The following NFXL1 variants were observed in gnomAD, a reference collection of about 807,000 sequenced individuals.
The protein encoded by NFXL1 is nuclear transcription factor, X-box binding like 1.
NFXL1 carries 66 observed loss-of-function variants against 123.3 expected under a neutral mutation model. That is an observed-to-expected ratio of 0.54 (90% CI 0.44 to 0.66). The LOEUF (loss-of-function observed/expected upper bound fraction) is 0.66. NFXL1 is among the 30% of genes least tolerant of loss of function. NFXL1 has a pLI of 0.00. For synonymous variants in NFXL1, 346 were observed against 360.8 expected (o/e 0.96, Z 0.46); for missense variants, 944 against 1,125.6 (o/e 0.84, Z 2.31).
At position 47,853,686 on chromosome 4, in the gene NFXL1, G is replaced by A. The variant is rs555956365; in HGVS notation, c.2421+1373C>T. 9.9e-5 allele frequency among the ~76,000 whole-genome samples: 15 copies of A among 152,226 alleles called. No homozygotes were observed. The South Asian group carries it at 2.3e-3, about 23-fold the overall frequency. Reference sequence around the variant, plus strand: ...TACATTGCCACAGCCTAAGCTAAGCGAGGGTACAATATATGTATTAGGGCA... The same window carrying A: ...TACATTGCCACAGCCTAAGCTAAGCAAGGGTACAATATATGTATTAGGGCA... On this transcript the variant is annotated intron_variant, in intron 20 of 22. Transcript: ENST00000507489.
intron 16 of NFXL1, 51 bp from the exon 17 acceptor site, chr4:47,878,716 G>GAA: frequency 7.4e-7 from 1 of 1,356,240 alleles, no homozygotes; most frequent in Non-Finnish European, 9.7e-7. Flanking sequence ...AACGTTTCTG[G>GAA]ACATATTATA....
intron 3 of NFXL1, among the ~76,000 whole-genome samples, chr4:47,906,279 T>C (rs1013975703): frequency 1.3e-5 from 2 of 152,196 alleles, no homozygotes; most frequent in African/African-American, 2.4e-5. Flanking sequence ...AGTGGTTAAC[T>C]GAGTCTTCAA....
At position 47,914,506 on chromosome 4, in the gene NFXL1, T is replaced by G. The variant is rs1738016776; in HGVS notation, c.-144A>C. On this transcript the variant is annotated 5_prime_UTR_variant, in exon 1 of 23. Coordinates refer to ENST00000507489, the MANE Select transcript of NFXL1 (RefSeq NM_001278624.2). ...CGGAGGAGAAGTCGAAACCGCCTCCTCAGCCTCTGCGGGAGCGTGGTAGGG... is the reference window on the plus strand; with the variant it reads ...CGGAGGAGAAGTCGAAACCGCCTCCGCAGCCTCTGCGGGAGCGTGGTAGGG... 9.0e-6 allele frequency: 3 copies of G among 333,418 alleles called. No individual in the cohort carries two copies. The highest frequency in any genetic ancestry group is 1.7e-5 in the Non-Finnish European group (3 of 181,460). 20.7% of individuals were successfully genotyped at this position (333,418 alleles called of 1,614,324 possible). A position where few individuals can be genotyped will look rare whatever the true frequency, so the allele number is the denominator to read the frequency against.
chr4:47,866,075 A>G (rs1735053646), intron 18 of NFXL1, among the ~76,000 whole-genome samples: 1 of 152,150 alleles, frequency 6.6e-6, no homozygotes, highest in Non-Finnish European at 1.5e-5. Flanking sequence ...CAATCTTGGA[A>G]AGGCAACACT....
intron 11 of NFXL1, among the ~76,000 whole-genome samples, chr4:47,891,416 T>C (rs552703543): frequency 2.0e-5 from 3 of 152,300 alleles, no homozygotes; most frequent in Admixed American, 6.5e-5. Context: ...CTGGCTTCGT[T>C]TGGCAGTTAT....
rs1230457465 is a variant in NFXL1, at chr4:47,847,808, G to A, written c.*355C>T. The A allele has an allele frequency of 6.2e-6, 1 of 160,906 alleles. No homozygotes were observed. Among genetic ancestry groups the A allele is most frequent in the African/African-American group, 2.4e-5 (1 of 41,830 alleles). 10.0% of individuals were successfully genotyped at this position (160,906 alleles called of 1,614,324 possible). On this transcript the variant is annotated 3_prime_UTR_variant, in exon 23 of 23. Transcript: ENST00000507489. The stretch of plus-strand genomic sequence containing the variant: ...ATTAAGAAATATTTCTCTTACTGCA[G>A]ATATGGCTCAGTCTCATCTGAATTA...
chr4:47,914,004 G>A lies in NFXL1; in HGVS notation c.200C>T (p.Ala67Val), dbSNP rs753548723. ...TAAAGSRHSP[A>V]GSQALQTTAA... The stretch of plus-strand genomic sequence containing the variant: ...GGTAGTCTGCAGGGCTTGGGATCCT[G>A]CGGGGCTGTGCCTGCTCCCTGCAGC... Residue 67 changes from alanine to valine, a missense_variant, in exon 2 of 23, where the codon GCA (alanine) becomes GTA (valine). This residue lies in a region of NFXL1 where 303 missense variants were observed against 292.1 expected (regional missense o/e 1.04). Coordinates refer to ENST00000507489, the MANE Select transcript of NFXL1 (RefSeq NM_001278624.2). 21 of 1,548,264 alleles carry A rather than the reference G, an allele frequency of 1.4e-5. No individual in the cohort carries two copies. The African/African-American group carries it at 2.3e-4, about 17-fold the overall frequency.
chr4:47,899,074 A>G lies in NFXL1; in HGVS notation c.873T>C (p.Cys291=). The G allele has an allele frequency of 6.2e-7, 1 of 1,611,420 alleles. No homozygotes were observed. Among genetic ancestry groups the G allele is most frequent in the Non-Finnish European group, 8.5e-7 (1 of 1,179,540 alleles). The change falls in exon 7 of 23, where the codon TGT becomes TGC. Residue 291 remains cysteine, a synonymous_variant. Coordinates refer to ENST00000507489, the MANE Select transcript of NFXL1 (RefSeq NM_001278624.2). ...TACGAGGGATAGGTTTTGCTTTCTT[A>G]CAGTAACAAGTAGTTGTGACCATCT... ...CPKMVTTTCY[C]KKAKPIPRRC... is the part of the protein sequence containing the mutation.
At chr4:47,854,951 A>C in intron 20 of NFXL1, 108 bp downstream of exon 20, 1 of 389,974 alleles carries the variant, frequency 2.6e-6, no homozygotes, top group Non-Finnish European at 4.7e-6. Context: ...AAAAAAAAAA[A>C]AAAAAGCCAA....
intron 12 of NFXL1, among the ~76,000 whole-genome samples, chr4:47,888,428 A>AT (rs1560596471): frequency 6.6e-6 from 1 of 152,250 alleles, no homozygotes. Context: ...ACATTCTTTT[A>AT]TAACTGTAGA....
intron 13 of NFXL1, 79 bp from the exon 14 acceptor site, chr4:47,885,736 A>G (rs867655829): frequency 1.5e-4 from 203 of 1,379,594 alleles, no homozygotes; most frequent in Admixed American, 7.9e-4. Flanking sequence ...ATCTATTTAC[A>G]TATCTTCTGA....
chr4:47,859,869 AACAAAC>A (rs1734649426), intron 19 of NFXL1, among the ~76,000 whole-genome samples: 1 of 27,800 alleles, frequency 3.6e-5, no homozygotes, highest in Non-Finnish European at 7.5e-5. Context: ...AAAAAAAAAA[AACAAAC>A]AAACAAAAAA....
intron 2 of NFXL1, among the ~76,000 whole-genome samples, chr4:47,912,323 A>G (rs574692390): frequency 1.3e-5 from 2 of 152,340 alleles, no homozygotes; most frequent in South Asian, 2.1e-4. Flanking sequence ...GAGAACATTC[A>G]TAACCTGATA....
chr4:47,871,540 A>G (rs1420363648), intron 18 of NFXL1, among the ~76,000 whole-genome samples: 4 of 152,150 alleles, frequency 2.6e-5, no homozygotes, highest in Non-Finnish European at 5.9e-5. Flanking sequence ...TTATCGTAGT[A>G]ACAACTCATT....
At chr4:47,870,034 G>GA (rs1735333575) in intron 18 of NFXL1, among the ~76,000 whole-genome samples, 2 of 152,060 alleles carry the variant, frequency 1.3e-5, no homozygotes, top group South Asian at 4.2e-4. Flanking sequence ...ATTTTCATTA[G>GA]AAAAAATAGA....
Position 47,890,644 on chromosome 4 carries a change from T to C in NFXL1, c.1512A>G (p.Arg504=). The change falls in exon 12 of 23, where the codon AGA becomes AGG. Residue 504 remains arginine (R), a synonymous_variant. Transcript: ENST00000507489. The stretch of plus-strand genomic sequence containing the variant: ...GACAGACAGATGGACACTTATGGTT[T>C]CTACATCCTAAAGTCCGTCCACAGT... ...DQNCGRTLGC[R]NHKCPSVCHR... The C allele has an allele frequency of 1.9e-6, 3 of 1,609,054 alleles. No homozygotes were observed. Among genetic ancestry groups the C allele is most frequent in the Non-Finnish European group, 2.6e-6 (3 of 1,175,622 alleles).
chr4:47,864,482 G>A (rs1415859098), intron 18 of NFXL1, among the ~76,000 whole-genome samples: 3 of 152,086 alleles, frequency 2.0e-5, no homozygotes, highest in Non-Finnish European at 4.4e-5. Flanking sequence ...ATTTCAGAAG[G>A]GGTCCTGTCC....
chr4:47,853,015 T>A (rs1399940980), intron 20 of NFXL1, among the ~76,000 whole-genome samples: 2 of 151,844 alleles, frequency 1.3e-5, no homozygotes, highest in African/African-American at 4.8e-5. Flanking sequence ...GATTTAGTGA[T>A]AAACATAGTC....
intron 11 of NFXL1, 111 bp downstream of exon 11, chr4:47,894,069 G>T: frequency 1.6e-6 from 1 of 642,926 alleles, no homozygotes. Context: ...TTAAAGGAAA[G>T]CATATGCCTG....
Sources: allele counts gnomAD v4.1 joint callset (sites outside exome capture counted in the v4.1 genomes callset), GRCh38; gene constraint gnomAD v4.1.1; regional missense constraint gnomAD v4.1.1; transcripts MANE v1.5; gene names NCBI Gene and HGNC (gene_info 2026-07-23, HGNC 2026-07-21).